Variants in PCDHA1 observed in about 807,000 individuals in gnomAD.
PCDHA1 encodes the protein protocadherin alpha-1.
PCDHA1 carries 42 observed loss-of-function variants against 61.3 expected under a neutral mutation model. The ratio of observed to expected loss-of-function variants is 0.69; its 90% confidence interval spans 0.54 to 0.89. The LOEUF (loss-of-function observed/expected upper bound fraction) is 0.89, where lower values mean the gene tolerates loss of function less well. Ranked by LOEUF, PCDHA1 falls within the 40% of genes least tolerant of loss-of-function variation. The probability of loss-of-function intolerance (pLI) is 0.00; values close to 1 mark genes in which losing one functional copy is unlikely to be tolerated. For synonymous variants in PCDHA1, 610 were observed against 553.8 expected (o/e 1.10, Z -1.43); for missense variants, 1,256 against 1,235.3 (o/e 1.02, Z -0.25).
intron 1 of PCDHA1, chr5:140,877,890 T>C (rs1554170211): frequency 6.9e-7 from 1 of 1,458,078 alleles, no homozygotes; most frequent in Non-Finnish European, 9.0e-7. Flanking sequence ...AGAACTTCCG[T>C]TTAGGTTATA....
chr5:140,856,580 G>A lies in PCDHA1; in HGVS notation c.2394+67896G>A, dbSNP rs537848812. 23 of 1,597,760 alleles carry A rather than the reference G, an allele frequency of 1.4e-5. 2 individuals carry two copies. In the South Asian group the frequency reaches 2.5e-4, roughly 18 times the overall value. On this transcript the variant is annotated intron_variant, in intron 1 of 3. Coordinates refer to ENST00000504120, the MANE Select transcript of PCDHA1 (RefSeq NM_018900.4). ...CAAACTCAGTCCAAATGAGTATTTT[G>A]TTCTTGATATTATAAACAAAAAAGA...
chr5:140,828,181 G>T (rs782434045), intron 1 of PCDHA1: 1 of 1,614,176 alleles, frequency 6.2e-7, no homozygotes, highest in Admixed American at 1.7e-5. Flanking sequence ...GGAGCGGCCA[G>T]CTCCACTACT....
At chr5:140,811,157 CA>C (rs1456455973) in intron 1 of PCDHA1, 1 of 152,232 alleles carries the variant, frequency 6.6e-6, no homozygotes, top group Non-Finnish European at 1.5e-5. Flanking sequence ...ATCCCTCCCC[CA>C]GTCCCCCACA....
intron 1 of PCDHA1, chr5:140,809,257 T>G (rs1764409596): frequency 6.2e-7 from 1 of 1,614,092 alleles, no homozygotes; most frequent in Non-Finnish European, 8.5e-7. Context: ...TGGGTCCCGA[T>G]GCTGCGCTGG....
intron 1 of PCDHA1, chr5:140,829,748 G>T (rs1179697520): frequency 1.9e-6 from 3 of 1,613,604 alleles, no homozygotes; most frequent in South Asian, 2.2e-5. Context: ...GACGCTGCAG[G>T]TGTTCGTGCT....
intron 1 of PCDHA1, among the ~76,000 whole-genome samples, chr5:140,933,313 C>T (rs977318847): frequency 3.9e-5 from 6 of 151,916 alleles, no homozygotes; most frequent in African/African-American, 1.4e-4. Context: ...TATGCAATCT[C>T]GTATTCTCCT....
intron 1 of PCDHA1, chr5:140,875,942 C>T: frequency 1.2e-6 from 2 of 1,614,190 alleles, no homozygotes; most frequent in Non-Finnish European, 1.7e-6. Context: ...CTAGAGGGCG[C>T]TTCTGATGCG....
intron 1 of PCDHA1, chr5:140,835,111 A>G: frequency 2.3e-6 from 3 of 1,290,786 alleles, no homozygotes; most frequent in Middle Eastern, 2.7e-4. Flanking sequence ...CCAGTGTTCG[A>G]CAGAACCCTG....
chr5:140,801,613 A>T (rs902709557), intron 1 of PCDHA1: 3 of 1,613,912 alleles, frequency 1.9e-6, no homozygotes, highest in African/African-American at 2.7e-5. Context: ...GCTGTAAAGA[A>T]TCTGTTTATT....
intron 1 of PCDHA1, chr5:140,858,158 G>C: frequency 6.3e-7 from 1 of 1,597,732 alleles, no homozygotes; most frequent in Non-Finnish European, 8.6e-7. Flanking sequence ...CGCCATCTGC[G>C]CGGTGTCCAG....
At chr5:140,865,669 A>G (rs546524670) in intron 1 of PCDHA1, 4 of 152,306 alleles carry the variant, frequency 2.6e-5, no homozygotes, top group African/African-American at 9.6e-5. Flanking sequence ...ACTTATAACA[A>G]TTTCTAAAGT....
chr5:140,855,410 T>A (rs2043456249), intron 1 of PCDHA1, among the ~76,000 whole-genome samples: 1 of 149,998 alleles, frequency 6.7e-6, no homozygotes, highest in Admixed American at 6.7e-5. Context: ...TTGAAGCTAA[T>A]GATCTCTAAA....
Position 140,978,951 on chromosome 5 carries a change from A to G in PCDHA1, c.2397A>G (p.Pro799=). Residue 799 remains proline, a splice_region_variant and synonymous_variant, in exon 2 of 4, where the codon CCA becomes CCG. Coordinates refer to ENST00000504120, the MANE Select transcript of PCDHA1 (RefSeq NM_018900.4). ...PEANLDLSGN[P]RQPNPDWRYS... ...AAACTCTCTTTGTGATTTTGCAGCC[A>G]CGACAGCCCAACCCTGACTGGCGTT... is the stretch of plus-strand genomic sequence containing the variant. 1.2e-6 allele frequency: 2 copies of G among 1,614,182 alleles called. No homozygotes were observed. The highest frequency in any genetic ancestry group is 1.7e-6 in the Non-Finnish European group (2 of 1,180,032).
chr5:140,829,964 G>C, intron 1 of PCDHA1: 1 of 1,614,006 alleles, frequency 6.2e-7, no homozygotes. Context: ...GTTTCGCGTG[G>C]GGCTGTACAC....
chr5:140,919,694 ATTAAC>A (rs1313954013), intron 1 of PCDHA1, among the ~76,000 whole-genome samples: 5 of 152,200 alleles, frequency 3.3e-5, no homozygotes, highest in Non-Finnish European at 7.3e-5. Context: ...TCAGATTTAT[ATTAAC>A]TTAATTCTAG....
At chr5:140,812,904 C>T (rs2126642538) in intron 1 of PCDHA1, 3 of 152,164 alleles carry the variant, frequency 2.0e-5, no homozygotes, top group Admixed American at 6.5e-5. Flanking sequence ...AACAGAATTT[C>T]GTTCAAAATT....
At position 140,786,183 on chromosome 5, in the gene PCDHA1, C is replaced by T. The variant is rs1213222541; in HGVS notation, c.-108C>T. 1.4e-6 allele frequency: 2 copies of T among 1,413,566 alleles called. No homozygotes were observed. Among genetic ancestry groups the T allele is most frequent in the South Asian group, 2.9e-5 (2 of 70,158 alleles). The allele number at this position is 1,413,566 out of a possible 1,614,324, so 87.6% of individuals were successfully genotyped here. On this transcript the variant is annotated 5_prime_UTR_variant, in exon 1 of 4. Coordinates refer to ENST00000504120, the MANE Select transcript of PCDHA1 (RefSeq NM_018900.4). ...AGGAGGAAGCTCCATTTTGTCACCG[C>T]CTGAGAGAAGACAGAAACGGTAAAG...
intron 3 of PCDHA1, among the ~76,000 whole-genome samples, chr5:140,988,691 G>A (rs1205492528): frequency 6.6e-6 from 1 of 152,114 alleles, no homozygotes; most frequent in African/African-American, 2.4e-5. Context: ...TTCCCTAGAC[G>A]CTCTGTATTT....
At chr5:140,970,815 A>G (rs782758365) in intron 1 of PCDHA1, among the ~76,000 whole-genome samples, 2 of 152,114 alleles carry the variant, frequency 1.3e-5, no homozygotes, top group Non-Finnish European at 2.9e-5. Flanking sequence ...TTTCAAGTTC[A>G]TGGTAATCTT....
Sources: gnomAD v4.1 joint callset for allele counts (sites outside exome capture counted in the v4.1 genomes callset) on GRCh38, gnomAD v4.1.1 for gene constraint, MANE v1.5 for transcripts, NCBI Gene and HGNC (gene_info 2026-07-23, HGNC 2026-07-21) for gene names.